Variants in UBE3B observed in about 807,000 individuals in gnomAD.
UBE3B encodes the protein ubiquitin-protein ligase E3B.
In UBE3B, 80 loss-of-function variants were observed where a neutral mutation model predicts 132.3. That is an observed-to-expected ratio of 0.60 (90% CI 0.50 to 0.73). UBE3B has a LOEUF of 0.73. Ranked by LOEUF, UBE3B falls within the 30% of genes least tolerant of loss-of-function variation. The probability of loss-of-function intolerance (pLI) is 0.00; values close to 1 mark genes in which losing one functional copy is unlikely to be tolerated. For missense variants in UBE3B, 1,196 were observed against 1,362.5 expected (o/e 0.88, Z 1.92); for synonymous variants, 487 against 520.4 (o/e 0.94, Z 0.87).
chr12:109,507,751 T>TC lies in UBE3B; in HGVS notation c.1622+16_1622+17insC. On this transcript the variant is annotated intron_variant, in intron 15 of 27. Transcript: ENST00000342494. The stretch of plus-strand genomic sequence containing the variant: ...ACCTCATCACGTAGGTTGACTGCTG[T>TC]GGGACTGAATTCCTTTCCTAGAATA... The TC allele has an allele frequency of 6.2e-7, 1 of 1,603,660 alleles. No individual in the cohort carries two copies. The highest frequency in any genetic ancestry group is 8.5e-7 in the Non-Finnish European group (1 of 1,174,318).
intron 23 of UBE3B, 125 bp downstream of exon 23, chr12:109,524,628 C>G (rs923446567): frequency 3.9e-6 from 4 of 1,019,780 alleles, no homozygotes; most frequent in Non-Finnish European, 5.8e-6. Context: ...TTGTCCTCCC[C>G]ACCCCTCGCC....
chr12:109,507,520 T>G lies in UBE3B; in HGVS notation c.1451-44T>G, dbSNP rs760955545. 29 of 1,585,950 alleles carry G rather than the reference T, an allele frequency of 1.8e-5. 1 individual carries two copies. The South Asian group carries it at 3.2e-4, about 18-fold the overall frequency. ...TGGATAGGAGAAATAACAGACCAGG[T>G]GGAGTCTCCACCTGAAGCTTGGGTT... On this transcript the variant is annotated intron_variant, in intron 14 of 27. Transcript: ENST00000342494.
intron 7 of UBE3B, 106 bp downstream of exon 7, chr12:109,488,774 G>A: frequency 1.0e-6 from 1 of 1,001,516 alleles, no homozygotes; most frequent in Non-Finnish European, 1.6e-6. Context: ...CCTCAGGGAA[G>A]GCCCTGAGAC....
At position 109,516,747 on chromosome 12, in the gene UBE3B, C is replaced by A; in HGVS notation, c.1957-18C>A. ...GTTTGCTGACCCTGTTTTCTGATCC[C>A]GCCTTTGTTCATTTTAGAGAGTTCT... On this transcript the variant is annotated intron_variant, in intron 18 of 27. Coordinates refer to ENST00000342494, the MANE Select transcript of UBE3B (RefSeq NM_130466.4). 4.4e-6 allele frequency: 7 copies of A among 1,606,748 alleles called. No individual in the cohort carries two copies. Among genetic ancestry groups the A allele is most frequent in the South Asian group, 2.2e-5 (2 of 90,570 alleles).
chr12:109,529,973 G>A lies in UBE3B; in HGVS notation c.2711G>A (p.Arg904His), dbSNP rs775845272. Residue 904 changes from arginine (R) to histidine (H), a missense_variant, in exon 25 of 28, where the codon CGT becomes CAT. Arg to His is a conservative substitution (Grantham distance 29). Transcript: ENST00000342494. The part of the protein sequence containing the change: ...NQTAALISGF[R>H]SIIKPEWIRM... Reference sequence around the variant, plus strand: ...ACAGCTGCCCTCATTAGCGGATTCCGTTCCATTATCAAACCCGAGTGGATC... The same window carrying A: ...ACAGCTGCCCTCATTAGCGGATTCCATTCCATTATCAAACCCGAGTGGATC... 13 of 1,613,900 alleles carry A rather than the reference G, an allele frequency of 8.1e-6. No homozygotes were observed. Among genetic ancestry groups the A allele is most frequent in the Admixed American group, 3.3e-5 (2 of 59,990 alleles).
chr12:109,485,424 G>T (rs369927539), intron 4 of UBE3B, among the ~76,000 whole-genome samples: 4 of 152,252 alleles, frequency 2.6e-5, no homozygotes, highest in Non-Finnish European at 5.9e-5. Flanking sequence ...AGATAAGCTG[G>T]AGGAGGTGAA....
At chr12:109,530,762 C>G in intron 26 of UBE3B, 104 bp downstream of exon 26, 1 of 1,125,528 alleles carries the variant, frequency 8.9e-7, no homozygotes, top group Non-Finnish European at 1.3e-6. Flanking sequence ...ATCAGGAGGA[C>G]CTCAGATAGT....
At chr12:109,533,200 A>G (rs1287770277) in intron 26 of UBE3B, among the ~76,000 whole-genome samples, 2 of 152,120 alleles carry the variant, frequency 1.3e-5, no homozygotes, top group African/African-American at 2.4e-5. Context: ...CCTACTCTGC[A>G]GTCACACGTG....
chr12:109,534,347 C>A lies in UBE3B; in HGVS notation c.3016-244C>A. The A allele has an allele frequency of 1.4e-6, 2 of 1,413,006 alleles. No homozygotes were observed. Among genetic ancestry groups the A allele is most frequent in the Non-Finnish European group, 1.8e-6 (2 of 1,089,388 alleles). 87.5% of individuals were successfully genotyped at this position (1,413,006 alleles called of 1,614,324 possible). A position where few individuals can be genotyped will look rare whatever the true frequency, so the allele number is the denominator to read the frequency against. On this transcript the variant is annotated intron_variant, in intron 27 of 27. Coordinates refer to ENST00000342494, the MANE Select transcript of UBE3B (RefSeq NM_130466.4). The surrounding 1 kb of genome is among the most constrained non-coding windows in gnomAD (Gnocchi z 5.2). The stretch of plus-strand genomic sequence containing the variant: ...CGCTGTGAACCGGAAGGCCCCATTT[C>A]CAAAAGCTTACTTAGTGCAGGAATT...
At chr12:109,508,703 T>G (rs548645445) in intron 15 of UBE3B, 9 of 985,420 alleles carry the variant, frequency 9.1e-6, no homozygotes, top group African/African-American at 1.7e-5. Context: ...GAAGACATCC[T>G]TAATCACTGG....
intron 13 of UBE3B, among the ~76,000 whole-genome samples, chr12:109,501,835 T>A (rs1008290451): frequency 1.3e-4 from 19 of 151,742 alleles, no homozygotes; most frequent in Non-Finnish European, 1.8e-4. Flanking sequence ...TTTTTTTTTT[T>A]TAATTTTTGT....
intron 26 of UBE3B, among the ~76,000 whole-genome samples, chr12:109,531,881 C>T (rs11067115): frequency 0.18 from 27,446 of 151,926 alleles, 2,694 homozygotes; most frequent in Middle Eastern, 0.25. Context: ...TGCTGCCCCA[C>T]AAAACAGGTG....
intron 9 of UBE3B, among the ~76,000 whole-genome samples, chr12:109,493,919 G>A (rs567041329): frequency 7.2e-5 from 11 of 152,210 alleles, no homozygotes; most frequent in Admixed American, 3.3e-4. Flanking sequence ...TCAAACTCCC[G>A]GGCTCAAGCC....
rs528169730 is a variant in UBE3B at position 109,524,907 on chromosome 12, C to T, written c.2568+404C>T. Among the ~76,000 whole-genome samples the T allele has an allele frequency of 6.6e-5, 10 of 151,986 alleles. No individual in the cohort carries two copies. In the South Asian group the frequency reaches 2.1e-3, roughly 32 times the overall value. On this transcript the variant is annotated intron_variant, in intron 23 of 27. Coordinates refer to ENST00000342494, the MANE Select transcript of UBE3B (RefSeq NM_130466.4). ...TTCATTCTCAGCATACAGAGCAGAGCAGGGAGCAGAGACCCTGGTCTCAGG... is the reference window on the plus strand; with the variant it reads ...TTCATTCTCAGCATACAGAGCAGAGTAGGGAGCAGAGACCCTGGTCTCAGG...
At chr12:109,544,618 A>G in the UBE3B span, among the ~76,000 whole-genome samples, 1 of 152,060 alleles carries the variant, frequency 6.6e-6, no homozygotes, top group Non-Finnish European at 1.5e-5. Context: ...CCCCCAGCCC[A>G]TGCACTCCAT....
chr12:109,483,414 C>A, intron 2 of UBE3B, 117 bp from the exon 3 acceptor site: 1 of 1,052,938 alleles, frequency 9.5e-7, no homozygotes, highest in Non-Finnish European at 1.3e-6. Flanking sequence ...AGGGTGTTGA[C>A]AGGTCCTGAG....
At chr12:109,516,922 TG>T in intron 19 of UBE3B, 38 bp downstream of exon 19, 1 of 1,602,908 alleles carries the variant, frequency 6.2e-7, no homozygotes, top group Non-Finnish European at 8.5e-7. Context: ...CACAAGGAAG[TG>T]GGCCCTGCAA....
chr12:109,503,424 A>G (rs1016197402), intron 14 of UBE3B, among the ~76,000 whole-genome samples: 2 of 152,144 alleles, frequency 1.3e-5, no homozygotes, highest in Admixed American at 1.3e-4. Flanking sequence ...TTAATTATGA[A>G]GTAGAATTTA....
At chr12:109,508,857 A>G (rs1880001806) in intron 15 of UBE3B, 1 of 632,852 alleles carries the variant, frequency 1.6e-6, no homozygotes, top group South Asian at 7.0e-5. Flanking sequence ...CTTACTAAGT[A>G]CCTGCTAAGT....
Sources: allele counts gnomAD v4.1 joint callset (sites outside exome capture counted in the v4.1 genomes callset), GRCh38; gene constraint gnomAD v4.1.1; non-coding constraint Gnocchi (gnomAD v3.1); transcripts MANE v1.5; gene names NCBI Gene and HGNC (gene_info 2026-07-23, HGNC 2026-07-21).